Variants in AKAIN1 observed in about 807,000 individuals in gnomAD.
The protein encoded by AKAIN1 is A-kinase anchor protein inhibitor 1.
Under a neutral mutation model 3.7 loss-of-function variants are expected in AKAIN1, and 3 were observed. The observed-to-expected ratio is 0.82, with a 90% CI of 0.37 to 2.12. The LOEUF is 2.12. Ranked by LOEUF, AKAIN1 falls within the 30% of genes most tolerant of loss-of-function variation. The probability of loss-of-function intolerance (pLI) is 0.06; values close to 1 mark genes in which losing one functional copy is unlikely to be tolerated. For missense variants in AKAIN1, 82 were observed against 82.7 expected (o/e 0.99, Z 0.03); for synonymous variants, 31 against 30.8 (o/e 1.01, Z -0.02).
chr18:5,162,517 C>T (rs2071145146), intron 1 of AKAIN1, among the ~76,000 whole-genome samples: 1 of 151,960 alleles, frequency 6.6e-6, no homozygotes, highest in Admixed American at 6.6e-5. Context: ...TCTTAACTCC[C>T]TAGCCTAGTT....
intron 1 of AKAIN1, among the ~76,000 whole-genome samples, chr18:5,182,545 G>GT (rs2071264369): frequency 6.6e-6 from 1 of 152,028 alleles, no homozygotes; most frequent in Non-Finnish European, 1.5e-5. Context: ...TGACCTATGT[G>GT]TCCCCAAACC....
intron 1 of AKAIN1, among the ~76,000 whole-genome samples, chr18:5,150,472 G>A (rs953425687): frequency 6.6e-6 from 1 of 152,206 alleles, no homozygotes; most frequent in Non-Finnish European, 1.5e-5. Flanking sequence ...ACAAAAAAAT[G>A]AGGAATTGAT....
rs959497339 is a variant in AKAIN1 at position 5,143,403 on chromosome 18, T to A, written c.*2159A>T. 6.6e-6 allele frequency among the ~76,000 whole-genome samples: 1 copy of A among 152,300 alleles called. No individual in the cohort carries two copies. Among genetic ancestry groups the A allele is most frequent in the African/African-American group, 2.4e-5 (1 of 41,576 alleles). On this transcript the variant is annotated 3_prime_UTR_variant, in exon 2 of 2. Transcript: ENST00000434239. ...GCTGTCGATTTTCCATCTCAAAAATTATGGCAGACACTCTACCTTCCAGAC... is the reference window on the plus strand; with the variant it reads ...GCTGTCGATTTTCCATCTCAAAAATAATGGCAGACACTCTACCTTCCAGAC...
At chr18:5,179,933 C>T (rs978497123) in intron 1 of AKAIN1, among the ~76,000 whole-genome samples, 6 of 152,162 alleles carry the variant, frequency 3.9e-5, no homozygotes, top group Admixed American at 2.0e-4. Context: ...TTCTCTGTCC[C>T]CATCCCACAC....
chr18:5,181,550 T>A (rs2071258838), intron 1 of AKAIN1, among the ~76,000 whole-genome samples: 1 of 152,268 alleles, frequency 6.6e-6, no homozygotes, highest in African/African-American at 2.4e-5. Flanking sequence ...CTTACATTCA[T>A]CTCATCTGCC....
intron 1 of AKAIN1, among the ~76,000 whole-genome samples, chr18:5,178,157 G>C (rs1284902366): frequency 6.6e-6 from 1 of 152,084 alleles, no homozygotes; most frequent in Admixed American, 6.6e-5. Context: ...CCTAACCAAA[G>C]CAGGACTCAT....
chr18:5,155,583 C>A (rs911306071), intron 1 of AKAIN1, among the ~76,000 whole-genome samples: 1 of 152,172 alleles, frequency 6.6e-6, no homozygotes, highest in Admixed American at 6.5e-5. Flanking sequence ...AACAAGCTCT[C>A]CTTTCCAAAT....
chr18:5,189,423 A>T (rs2071306420), intron 1 of AKAIN1, among the ~76,000 whole-genome samples: 1 of 151,936 alleles, frequency 6.6e-6, no homozygotes, highest in Non-Finnish European at 1.5e-5. Context: ...AATTTTTCAA[A>T]TTTTTCTGCT....
In AKAIN1 at chr18:5,177,742, C is replaced by G. The variant is rs183396118; in HGVS notation, c.16+19296G>C. 7.2e-5 allele frequency among the ~76,000 whole-genome samples: 11 copies of G among 152,136 alleles called. No individual in the cohort carries two copies. In the East Asian group the frequency reaches 1.9e-3, roughly 27 times the overall value. ...TTAAGTCGTATGACAAAAATAGAAGCCTTGAACCTAACTTGATAATATACT... is the reference window on the plus strand; with the variant it reads ...TTAAGTCGTATGACAAAAATAGAAGGCTTGAACCTAACTTGATAATATACT... On this transcript the variant is annotated intron_variant, in intron 1 of 1. Transcript: ENST00000434239.
intron 1 of AKAIN1, among the ~76,000 whole-genome samples, chr18:5,152,303 A>G (rs1234841508): frequency 6.6e-6 from 1 of 152,202 alleles, no homozygotes; most frequent in Non-Finnish European, 1.5e-5. Context: ...TTCAGAACCC[A>G]AATTCTAGCA....
rs556028900 is a variant in AKAIN1 at position 5,186,503 on chromosome 18, G to A, written c.16+10535C>T. Among the ~76,000 whole-genome samples the A allele has an allele frequency of 2.0e-5, 3 of 152,168 alleles. No individual in the cohort carries two copies. In the South Asian group the frequency reaches 6.2e-4, roughly 32 times the overall value. On this transcript the variant is annotated intron_variant, in intron 1 of 1. Coordinates refer to ENST00000434239, the MANE Select transcript of AKAIN1 (RefSeq NM_001145194.2). Reference sequence around the variant, plus strand: ...CACCAAGAAGACATAACAATCTCAAGTGTACATGCATCTAATGAGAGAGCT... The same window carrying A: ...CACCAAGAAGACATAACAATCTCAAATGTACATGCATCTAATGAGAGAGCT...
At chr18:5,147,729 G>A (rs1415335653) in intron 1 of AKAIN1, among the ~76,000 whole-genome samples, 1 of 152,148 alleles carries the variant, frequency 6.6e-6, no homozygotes, top group Non-Finnish European at 1.5e-5. Flanking sequence ...TTGCAATCTA[G>A]TGAACAAAGC....
Position 5,160,482 on chromosome 18 carries a change from T to C in AKAIN1, c.17-14727A>G, listed in dbSNP as rs571649388. Reference sequence around the variant, plus strand: ...ATATATATTCCTTGTCAATTATATGTGCAGCAGATACTTCTATGGCCCTCT... The same window carrying C: ...ATATATATTCCTTGTCAATTATATGCGCAGCAGATACTTCTATGGCCCTCT... On this transcript the variant is annotated intron_variant, in intron 1 of 1. Transcript: ENST00000434239. Among the ~76,000 whole-genome samples the C allele has an allele frequency of 4.9e-4, 75 of 152,290 alleles. 1 individual carries two copies. In the South Asian group the frequency reaches 0.016, roughly 32 times the overall value.
At chr18:5,193,983 G>C (rs1335703635) in intron 1 of AKAIN1, among the ~76,000 whole-genome samples, 1 of 152,092 alleles carries the variant, frequency 6.6e-6, no homozygotes, top group African/African-American at 2.4e-5. Flanking sequence ...TCAGTTTATG[G>C]GGGTGGGAGG....
rs1011949762 is a variant in AKAIN1 at position 5,143,476 on chromosome 18, A to G, written c.*2086T>C. Among the ~76,000 whole-genome samples, 1 of 152,098 alleles carries G rather than the reference A, an allele frequency of 6.6e-6. No homozygotes were observed. Among genetic ancestry groups the G allele is most frequent in the Non-Finnish European group, 1.5e-5 (1 of 68,024 alleles). On this transcript the variant is annotated 3_prime_UTR_variant, in exon 2 of 2. Transcript: ENST00000434239. ...ATCAAAAGACCACTTCTTAGCATACATCCTTTTCTCTTCAAGCCTCAGGAC... is the reference window on the plus strand; with the variant it reads ...ATCAAAAGACCACTTCTTAGCATACGTCCTTTTCTCTTCAAGCCTCAGGAC...
chr18:5,182,761 T>A (rs748036892), intron 1 of AKAIN1, among the ~76,000 whole-genome samples: 3 of 152,102 alleles, frequency 2.0e-5, no homozygotes, highest in Admixed American at 6.6e-5. Context: ...TAGGTCTTCT[T>A]AGTCTTCTAG....
Position 5,145,618 on chromosome 18 carries a change from G to A in AKAIN1, c.154C>T (p.Arg52Trp), listed in dbSNP as rs775641340. 4.4e-5 allele frequency: 69 copies of A among 1,551,496 alleles called. 1 individual carries two copies. Among genetic ancestry groups the A allele is most frequent in the Middle Eastern group, 1.7e-4 (1 of 6,014 alleles). ...QRREERISDN[R>W]DHIQLGVGEL... The stretch of plus-strand genomic sequence containing the variant: ...CCAACGCCCAGTTGGATGTGGTCCC[G>A]GTTGTCACTGATTCTCTCTTCTCTG... The change falls in exon 2 of 2, where the codon CGG becomes TGG. Residue 52 changes from arginine to tryptophan, a missense_variant. Coordinates refer to ENST00000434239, the MANE Select transcript of AKAIN1 (RefSeq NM_001145194.2).
intron 1 of AKAIN1, among the ~76,000 whole-genome samples, chr18:5,176,074 G>A (rs549429835): frequency 6.6e-6 from 1 of 152,204 alleles, no homozygotes; most frequent in African/African-American, 2.4e-5. Context: ...CTGGAGAAGG[G>A]AGAGAGGAAC....
chr18:5,196,926 T>C (rs1375160599), intron 1 of AKAIN1, 112 bp downstream of exon 1: 3 of 1,011,190 alleles, frequency 3.0e-6, no homozygotes, highest in Admixed American at 2.0e-5. Flanking sequence ...AGACAGTAAC[T>C]CCGAAACGCG....
Sources: gnomAD v4.1 joint callset for allele counts (sites outside exome capture counted in the v4.1 genomes callset) on GRCh38, gnomAD v4.1.1 for gene constraint, MANE v1.5 for transcripts, NCBI Gene and HGNC (gene_info 2026-07-23, HGNC 2026-07-21) for gene names.